TCF4: variants seen among roughly 807,000 people sequenced by gnomAD.
TCF4 encodes SL3-3 enhancer factor 2.
Under a neutral mutation model 82.1 loss-of-function variants are expected in TCF4, and 3 were observed. The ratio of observed to expected loss-of-function variants is 0.04; its 90% CI spans 0.02 to 0.09. The LOEUF (loss-of-function observed/expected upper bound fraction) is 0.09. Among genes scored for constraint, TCF4 ranks in the 10% least tolerant of loss-of-function variants. The pLI is 1.00. For missense variants in TCF4, 518 were observed against 852.7 expected, an observed-to-expected ratio of 0.61 and a Z score of 4.89; for synonymous variants, 276 against 309.6, an observed-to-expected ratio of 0.89 and a Z score of 1.14.
chr18:55,494,221 G>A (rs2096606879), intron 3 of TCF4, among the ~76,000 whole-genome samples: 1 of 147,292 alleles, frequency 6.8e-6, no homozygotes, highest in African/African-American at 2.5e-5. Context: ...AAAAAGAAGT[G>A]AAGCAATTTT....
intron 3 of TCF4, among the ~76,000 whole-genome samples, chr18:55,554,939 A>G (rs1037567632): frequency 6.6e-6 from 1 of 152,256 alleles, no homozygotes; most frequent in South Asian, 2.1e-4. Context: ...ACAGGGATCA[A>G]CAGCAGGCTT....
At chr18:55,631,437 G>A (rs2097731534) in intron 1 of TCF4, 8 of 1,531,780 alleles carry the variant, frequency 5.2e-6, no homozygotes, top group Non-Finnish European at 7.1e-6. Flanking sequence ...AAGGCAGGTA[G>A]ACAAGTTAGA....
chr18:55,602,080 A>G (rs1164810701), intron 2 of TCF4, among the ~76,000 whole-genome samples: 1 of 152,226 alleles, frequency 6.6e-6, no homozygotes, highest in Non-Finnish European at 1.5e-5. Flanking sequence ...TAATGCCTAC[A>G]AAATATAGAA....
chr18:55,342,379 T>C (rs906524723), intron 8 of TCF4, among the ~76,000 whole-genome samples: 1 of 152,136 alleles, frequency 6.6e-6, no homozygotes, highest in African/African-American at 2.4e-5. Flanking sequence ...TTAAGATACA[T>C]GAGGGACCCC....
At chr18:55,504,107 A>G (rs931927914) in intron 3 of TCF4, among the ~76,000 whole-genome samples, 2 of 152,028 alleles carry the variant, frequency 1.3e-5, no homozygotes, top group African/African-American at 4.8e-5. Flanking sequence ...GCCCTAATGT[A>G]CTCCTATCTC....
chr18:55,286,440 G>A (rs2063711910), intron 8 of TCF4, among the ~76,000 whole-genome samples: 1 of 152,030 alleles, frequency 6.6e-6, no homozygotes, highest in African/African-American at 2.4e-5. Context: ...CAAAGGAAGA[G>A]GTGAAAGGAC....
chr18:55,635,702 C>T lies in TCF4; in HGVS notation c.195+1G>A. ...AAAGTAGCCCAAATGCTGGTTCCTA[C>T]CTCCAAGGGCCTCCTGGAGAAGCTC... On this transcript the variant is annotated splice_donor_variant, in intron 1 of 20. Transcript: ENST00000398339. LOFTEE classifies it high-confidence loss of function. 1.3e-6 allele frequency: 2 copies of T among 1,547,370 alleles called. No individual in the cohort carries two copies. Among genetic ancestry groups the T allele is most frequent in the Non-Finnish European group, 1.7e-6 (2 of 1,145,790 alleles).
In TCF4 at chr18:55,403,444, T is replaced by C; in HGVS notation, c.369+10A>G. ...CTCTCAACCCTTCCGCAACAGAGAT[T>C]CTCACTTACCTGGTGGCAACCCTGT... On this transcript the variant is annotated intron_variant, in intron 6 of 19. Transcript: ENST00000354452. 1 of 1,613,722 alleles carries C rather than the reference T, an allele frequency of 6.2e-7. No homozygotes were observed. The highest frequency in any genetic ancestry group is 8.5e-7 in the Non-Finnish European group (1 of 1,179,690).
intron 5 of TCF4, among the ~76,000 whole-genome samples, chr18:55,432,316 TAAA>T (rs1479757254): frequency 1.3e-5 from 2 of 151,862 alleles, no homozygotes; most frequent in Non-Finnish European, 2.9e-5. Flanking sequence ...AATAAATAAA[TAAA>T]TAAATATGAT....
At chr18:55,594,336 T>C (rs1471354287) in intron 2 of TCF4, among the ~76,000 whole-genome samples, 1 of 152,212 alleles carries the variant, frequency 6.6e-6, no homozygotes, top group Admixed American at 6.5e-5. Flanking sequence ...GATCCTCATG[T>C]TGATGCATTT....
intron 15 of TCF4, among the ~76,000 whole-genome samples, chr18:55,252,352 T>A (rs978801426): frequency 7.4e-6 from 1 of 134,256 alleles, no homozygotes; most frequent in Non-Finnish European, 1.7e-5. Flanking sequence ...GGCGGCTTTA[T>A]TGCTTTTGTG....
At chr18:55,362,437 A>AAGGAAG (rs1569192813) in intron 6 of TCF4, among the ~76,000 whole-genome samples, 26 of 113,162 alleles carry the variant, frequency 2.3e-4, no homozygotes, top group African/African-American at 9.9e-4. Context: ...AAGGAAGGAA[A>AAGGAAG]AAAAAAAAGA....
chr18:55,236,919 T>C (rs2049635566), intron 15 of TCF4, among the ~76,000 whole-genome samples: 1 of 152,144 alleles, frequency 6.6e-6, no homozygotes, highest in African/African-American at 2.4e-5. Context: ...AGTGTACTCC[T>C]ATTTCAGAAT....
At chr18:55,353,621 A>G (rs956718647) in intron 6 of TCF4, among the ~76,000 whole-genome samples, 2 of 152,336 alleles carry the variant, frequency 1.3e-5, no homozygotes, top group African/African-American at 4.8e-5. Flanking sequence ...ATTGTAGAGT[A>G]TACTTATAAA....
chr18:55,358,363 A>G (rs2084137424), intron 6 of TCF4, among the ~76,000 whole-genome samples: 1 of 152,248 alleles, frequency 6.6e-6, no homozygotes. Flanking sequence ...TAGTAATAGT[A>G]GTATGAGGAG....
intron 3 of TCF4, among the ~76,000 whole-genome samples, chr18:55,540,224 T>C (rs1391363290): frequency 1.3e-5 from 2 of 151,962 alleles, no homozygotes; most frequent in South Asian, 2.1e-4. Flanking sequence ...AGTCAGCACA[T>C]TGAAGAAGCA....
intron 3 of TCF4, among the ~76,000 whole-genome samples, chr18:55,578,576 T>C (rs577971797): frequency 6.6e-6 from 1 of 152,234 alleles, no homozygotes; most frequent in South Asian, 2.1e-4. Context: ...AGCAGAAAAG[T>C]TGACGGATTT....
chr18:55,595,817 G>A (rs754581631), intron 2 of TCF4, among the ~76,000 whole-genome samples: 8 of 151,984 alleles, frequency 5.3e-5, no homozygotes, highest in African/African-American at 1.7e-4. Flanking sequence ...TTTTTTGGAG[G>A]ACTTGCAGAT....
At chr18:55,383,329 A>G (rs1359360558) in intron 6 of TCF4, among the ~76,000 whole-genome samples, 1 of 152,220 alleles carries the variant, frequency 6.6e-6, no homozygotes, top group East Asian at 1.9e-4. Context: ...AGTAAAAGCA[A>G]TTTATCCAAT....
Sources: allele counts gnomAD v4.1 joint callset (sites outside exome capture counted in the v4.1 genomes callset), GRCh38; gene constraint gnomAD v4.1.1; transcripts MANE v1.5; gene names NCBI Gene and HGNC (gene_info 2026-07-23, HGNC 2026-07-21).